The following ARMC3 variants were observed in gnomAD, a reference collection of about 807,000 sequenced individuals.
ARMC3 encodes armadillo repeat containing 3.
In ARMC3, 74 loss-of-function variants were observed where a neutral mutation model predicts 90.3. The ratio of observed to expected loss-of-function variants is 0.82; its 90% CI spans 0.68 to 0.99. The LOEUF is 0.99. ARMC3 is among the 50% of genes least tolerant of loss of function. ARMC3 has a pLI of 0.00. For missense variants in ARMC3, 958 were observed against 1,042.8 expected (o/e 0.92, Z 1.12); for synonymous variants, 334 against 361.8 (o/e 0.92, Z 0.87).
chr10:22,984,042 A>G (rs16922873), intron 10 of ARMC3, among the ~76,000 whole-genome samples: 11,382 of 152,242 alleles, frequency 0.075, 961 homozygotes, highest in African/African-American at 0.21. Flanking sequence ...TCTGTCATAC[A>G]TAAGTAGCAT....
chr10:22,986,272 C>T (rs771271255), intron 10 of ARMC3, among the ~76,000 whole-genome samples: 3 of 151,904 alleles, frequency 2.0e-5, no homozygotes, highest in South Asian at 4.2e-4. Flanking sequence ...AAAAAATGGC[C>T]GGGCAAAGGT....
chr10:22,978,409 A>C (rs1227907090), intron 8 of ARMC3, among the ~76,000 whole-genome samples: 2 of 152,196 alleles, frequency 1.3e-5, no homozygotes, highest in Non-Finnish European at 2.9e-5. Flanking sequence ...CTAACTCACT[A>C]TCAGGAGAAC....
chr10:22,957,489 G>A (rs774674216), intron 4 of ARMC3, among the ~76,000 whole-genome samples: 2 of 152,144 alleles, frequency 1.3e-5, no homozygotes, highest in African/African-American at 2.4e-5. Flanking sequence ...GAGTGTTTCC[G>A]GAGATGGCAA....
chr10:23,019,848 G>A (rs1257205489), intron 16 of ARMC3, among the ~76,000 whole-genome samples: 3 of 152,190 alleles, frequency 2.0e-5, no homozygotes, highest in East Asian at 1.9e-4. Context: ...ATGCAGCCAC[G>A]CCTGTTAGTC....
rs773254739 is a variant in ARMC3, at chr10:22,955,858, C to T, written c.218C>T (p.Thr73Ile). 8 of 1,613,950 alleles carry T rather than the reference C, an allele frequency of 5.0e-6. No individual in the cohort carries two copies. The South Asian group carries it at 8.8e-5, about 18-fold the overall frequency. The change falls in exon 4 of 19, where the codon ACT becomes ATT. Residue 73 changes from threonine (T) to isoleucine (I), a missense_variant. Coordinates refer to ENST00000298032, the MANE Select transcript of ARMC3 (RefSeq NM_173081.5). Reference protein sequence around the residue: ...LLELGAVEPLTKLLTHEDKIV... With the variant: ...LLELGAVEPLIKLLTHEDKIV... Reference sequence around the variant, plus strand: ...GAACTTGGAGCTGTGGAACCTTTAACTAAGCTACTCACCCATGAAGACAAA... The same window carrying T: ...GAACTTGGAGCTGTGGAACCTTTAATTAAGCTACTCACCCATGAAGACAAA...
In ARMC3 at chr10:23,003,286, C is replaced by T. The variant is rs148669748; in HGVS notation, c.1603C>T (p.Arg535Trp). The change falls in exon 13 of 19, where the codon CGG becomes TGG. Residue 535 changes from arginine to tryptophan, a missense_variant. Arg to Trp is a moderately radical substitution (Grantham distance 101, BLOSUM62 -3). Coordinates refer to ENST00000298032, the MANE Select transcript of ARMC3 (RefSeq NM_173081.5). The stretch of plus-strand genomic sequence containing the variant: ...TGAAGAAGTTAACGTATCAGGAACT[C>T]GGAAAAATAAATTCAGTGAGGCAGC... The part of the protein sequence containing the change: ...ILEEVNVSGT[R>W]KNKFSEAAYN... The T allele has an allele frequency of 3.5e-5, 56 of 1,612,546 alleles. 1 individual carries two copies. The highest frequency in any genetic ancestry group is 2.5e-4 in the South Asian group (23 of 90,610).
At chr10:22,953,161 G>A (rs969189910) in intron 3 of ARMC3, among the ~76,000 whole-genome samples, 6 of 152,112 alleles carry the variant, frequency 3.9e-5, no homozygotes, top group South Asian at 2.1e-4. Flanking sequence ...TCAGAAGGGC[G>A]TGATTTCTGG....
intron 8 of ARMC3, among the ~76,000 whole-genome samples, chr10:22,976,161 C>G (rs969151896): frequency 6.6e-6 from 1 of 152,132 alleles, no homozygotes; most frequent in Admixed American, 6.5e-5. Flanking sequence ...TTCTAAGAGG[C>G]CCTTCATTGT....
At chr10:22,946,309 A>T in intron 3 of ARMC3, 48 bp downstream of exon 3, 1 of 1,302,808 alleles carries the variant, frequency 7.7e-7, no homozygotes, top group Non-Finnish European at 1.1e-6. Flanking sequence ...ATTTCTTAAA[A>T]TATTTACTAC....
chr10:23,037,197 T>C, intron 18 of ARMC3, 73 bp from the exon 19 acceptor site: 2 of 1,302,866 alleles, frequency 1.5e-6, no homozygotes, highest in Non-Finnish European at 2.1e-6. Context: ...AATCAAGGTG[T>C]GCAATTACAA....
rs1837311218 is a variant in ARMC3 at position 23,001,910 on chromosome 10, T to C, written c.1426-9T>C. On this transcript the variant is annotated splice_polypyrimidine_tract_variant and intron_variant, in intron 11 of 18. Coordinates refer to ENST00000298032, the MANE Select transcript of ARMC3 (RefSeq NM_173081.5). Reference sequence around the variant, plus strand: ...TCTTAATGTGTAACATTTTGGTTTCTGCTTTTAGTTAAGAAATTCTGGTGG... The same window carrying C: ...TCTTAATGTGTAACATTTTGGTTTCCGCTTTTAGTTAAGAAATTCTGGTGG... 1.2e-6 allele frequency: 2 copies of C among 1,612,404 alleles called. No homozygotes were observed. Among genetic ancestry groups the C allele is most frequent in the Non-Finnish European group, 1.7e-6 (2 of 1,179,376 alleles).
At chr10:23,016,894 T>C (rs1193815787) in intron 16 of ARMC3, among the ~76,000 whole-genome samples, 1 of 152,206 alleles carries the variant, frequency 6.6e-6, no homozygotes, top group Non-Finnish European at 1.5e-5. Context: ...ATAGTCACTC[T>C]ATTCAGTGAC....
intron 10 of ARMC3, among the ~76,000 whole-genome samples, chr10:22,996,145 T>C (rs762954755): frequency 3.9e-5 from 6 of 152,202 alleles, no homozygotes; most frequent in Non-Finnish European, 8.8e-5. Flanking sequence ...TTAGAAAATA[T>C]GTATAATTTA....
chr10:23,031,567 T>C (rs1488796568), intron 17 of ARMC3, among the ~76,000 whole-genome samples: 2 of 152,216 alleles, frequency 1.3e-5, no homozygotes, highest in Admixed American at 1.3e-4. Context: ...GCCAGATCAT[T>C]GACTCTTTGT....
Position 22,946,247 on chromosome 10 carries a change from A to T in ARMC3, c.152A>T (p.Lys51Ile), listed in dbSNP as rs778733776. The T allele has an allele frequency of 6.2e-7, 1 of 1,603,354 alleles. No individual in the cohort carries two copies. The highest frequency in any genetic ancestry group is 2.2e-5 in the East Asian group (1 of 44,728). Residue 51 changes from lysine (K) to isoleucine (I), a missense_variant, in exon 3 of 19, where the codon AAA (lysine) becomes ATA (isoleucine). Coordinates refer to ENST00000298032, the MANE Select transcript of ARMC3 (RefSeq NM_173081.5). ...ILAKACEAIYKFALKGEENKT... is the reference protein window; with the variant it reads ...ILAKACEAIYIFALKGEENKT... ...GCTAAAGCATGTGAAGCCATTTATA[A>T]ATTTGCTTTAAAAGGTTTGGATTTT...
intron 16 of ARMC3, chr10:23,014,634 G>T (rs544628146): frequency 4.4e-6 from 2 of 454,982 alleles, no homozygotes; most frequent in East Asian, 3.0e-4. Context: ...AAAAGAGTGA[G>T]ATCATGTTCT....
chr10:22,990,166 C>A (rs201789440), intron 10 of ARMC3, among the ~76,000 whole-genome samples: 1 of 27,100 alleles, frequency 3.7e-5, no homozygotes, highest in East Asian at 9.6e-4. Flanking sequence ...TGTGTGATTT[C>A]CCCCCCCCAC....
chr10:22,956,497 G>A (rs905626498), intron 4 of ARMC3, among the ~76,000 whole-genome samples: 6 of 151,970 alleles, frequency 3.9e-5, no homozygotes, highest in Non-Finnish European at 8.8e-5. Flanking sequence ...CACCTACTTG[G>A]GAGGCTGAGG....
intron 2 of ARMC3, among the ~76,000 whole-genome samples, chr10:22,935,759 G>GTT (rs1170007033): frequency 6.6e-6 from 1 of 152,088 alleles, no homozygotes; most frequent in Non-Finnish European, 1.5e-5. Context: ...TACTCCAAAA[G>GTT]TTTGCTACTT....
Sources: gnomAD v4.1 joint callset for allele counts (sites outside exome capture counted in the v4.1 genomes callset) on GRCh38, gnomAD v4.1.1 for gene constraint, MANE v1.5 for transcripts, NCBI Gene and HGNC (gene_info 2026-07-23, HGNC 2026-07-21) for gene names.